The following CFAP20DC variants were observed in gnomAD, a reference collection of about 807,000 sequenced individuals.
CFAP20DC encodes the protein protein CFAP20DC.
A neutral mutation model predicts 101.7 loss-of-function variants in CFAP20DC; 84 were observed. The ratio of observed to expected loss-of-function variants is 0.83; its 90% CI spans 0.69 to 0.99. The LOEUF (loss-of-function observed/expected upper bound fraction) is 0.99. Ranked by LOEUF, CFAP20DC falls within the 50% of genes least tolerant of loss-of-function variation. The pLI is 0.00. For missense variants in CFAP20DC, 1,007 were observed against 970.3 expected, an observed-to-expected ratio of 1.04 and a Z score of -0.50; for synonymous variants, 359 against 351.2, an observed-to-expected ratio of 1.02 and a Z score of -0.25.
chr3:58,930,982 G>A (rs879522446), intron 5 of CFAP20DC, among the ~76,000 whole-genome samples: 5 of 152,212 alleles, frequency 3.3e-5, no homozygotes, highest in African/African-American at 4.8e-5. Flanking sequence ...CCTCACTCGG[G>A]AAGCACAAGG....
chr3:58,942,866 C>A (rs1350758159), intron 4 of CFAP20DC, among the ~76,000 whole-genome samples: 2 of 152,162 alleles, frequency 1.3e-5, no homozygotes, highest in South Asian at 2.1e-4. Flanking sequence ...AAAATCAACC[C>A]AGGGCACTAG....
At chr3:58,751,165 G>T (rs2068537599) in intron 16 of CFAP20DC, among the ~76,000 whole-genome samples, 1 of 152,120 alleles carries the variant, frequency 6.6e-6, no homozygotes, top group African/African-American at 2.4e-5. Flanking sequence ...AGGGCACCAA[G>T]GATCCAGGAG....
chr3:58,860,175 CAAAAA>C (rs10575757), intron 12 of CFAP20DC, among the ~76,000 whole-genome samples: 1 of 78,186 alleles, frequency 1.3e-5, no homozygotes, highest in African/African-American at 4.6e-5. Context: ...AACTCCATCT[CAAAAA>C]AAAAAAAAAA....
chr3:59,016,490 T>A (rs1368364737), intron 4 of CFAP20DC, among the ~76,000 whole-genome samples: 5 of 152,086 alleles, frequency 3.3e-5, no homozygotes, highest in African/African-American at 1.2e-4. Flanking sequence ...GACAATTAAT[T>A]GTAATTTATT....
chr3:58,991,446 C>A (rs1177112588), intron 4 of CFAP20DC, among the ~76,000 whole-genome samples: 1 of 152,188 alleles, frequency 6.6e-6, no homozygotes, highest in African/African-American at 2.4e-5. Context: ...TCACACTCCC[C>A]TCAAATAATA....
intron 4 of CFAP20DC, among the ~76,000 whole-genome samples, chr3:58,950,542 G>T (rs1449740471): frequency 6.6e-6 from 1 of 152,182 alleles, no homozygotes; most frequent in African/African-American, 2.4e-5. Context: ...AAAACAGCAT[G>T]GTACTGGTAT....
intron 4 of CFAP20DC, among the ~76,000 whole-genome samples, chr3:58,942,534 A>G (rs1244013264): frequency 2.6e-5 from 4 of 152,232 alleles, no homozygotes; most frequent in Non-Finnish European, 5.9e-5. Context: ...GGAACGGTGC[A>G]TTCTGGCCCA....
At chr3:58,747,122 A>G (rs1434876080) in intron 16 of CFAP20DC, among the ~76,000 whole-genome samples, 2 of 152,210 alleles carry the variant, frequency 1.3e-5, no homozygotes, top group East Asian at 3.8e-4. Flanking sequence ...CTGCTACTAG[A>G]CTAAGAGCAT....
chr3:58,985,072 G>A (rs1481388041), intron 4 of CFAP20DC, among the ~76,000 whole-genome samples: 8 of 151,944 alleles, frequency 5.3e-5, no homozygotes, highest in East Asian at 1.9e-4. Context: ...CTACAGGAGC[G>A]CCCACAATGG....
At chr3:58,833,916 T>C (rs552911710) in intron 13 of CFAP20DC, among the ~76,000 whole-genome samples, 3 of 152,286 alleles carry the variant, frequency 2.0e-5, no homozygotes, top group Admixed American at 2.0e-4. Context: ...TTTGAAAATA[T>C]TATGCTATCT....
In CFAP20DC at chr3:59,014,257, G is replaced by C. The variant is rs1426098036; in HGVS notation, c.278+25300C>G. Among the ~76,000 whole-genome samples, 1 of 152,058 alleles carries C rather than the reference G, an allele frequency of 6.6e-6. No individual in the cohort carries two copies. The highest frequency in any genetic ancestry group is 1.5e-5 in the Non-Finnish European group (1 of 67,998). On this transcript the variant is annotated intron_variant, in intron 4 of 16. Transcript: ENST00000482387. The surrounding 1 kb of genome is among the most constrained non-coding windows in gnomAD (Gnocchi z 4.9). The stretch of plus-strand genomic sequence containing the variant: ...GGAAAAAAAGATCGACCTTAAACTA[G>C]ATTTCCAACATTTCCATCTGTATGC...
chr3:58,933,810 A>G (rs1238446931), intron 5 of CFAP20DC, among the ~76,000 whole-genome samples: 1 of 152,006 alleles, frequency 6.6e-6, no homozygotes, highest in Non-Finnish European at 1.5e-5. Context: ...AATGCCCAAA[A>G]AGAAAGCAGG....
At chr3:59,008,763 T>C (rs1332989212) in intron 4 of CFAP20DC, among the ~76,000 whole-genome samples, 1 of 151,980 alleles carries the variant, frequency 6.6e-6, no homozygotes, top group East Asian at 1.9e-4. Flanking sequence ...TAATGCTAAA[T>C]GACGAGTTAA....
In CFAP20DC at chr3:58,918,118, C is replaced by T. The variant is rs530650742; in HGVS notation, c.394-4254G>A. Among the ~76,000 whole-genome samples, 9 of 152,276 alleles carry T rather than the reference C, an allele frequency of 5.9e-5. No homozygotes were observed. The South Asian group carries it at 1.9e-3, about 32-fold the overall frequency. On this transcript the variant is annotated intron_variant, in intron 5 of 16. Transcript: ENST00000482387. ...TGCATTTTTCTAAGAGTCTTAGACA[C>T]ATTACCGTCAGTGAAACATAGCTTT...
chr3:59,045,018 ACG>A (rs376249419), intron 3 of CFAP20DC, among the ~76,000 whole-genome samples: 1 of 151,214 alleles, frequency 6.6e-6, no homozygotes, highest in African/African-American at 2.4e-5. Flanking sequence ...ACACACACAC[ACG>A]CAGAAACTAT....
chr3:58,900,814 C>A (rs907053464), intron 6 of CFAP20DC, among the ~76,000 whole-genome samples: 1 of 152,154 alleles, frequency 6.6e-6, no homozygotes, highest in African/African-American at 2.4e-5. Flanking sequence ...GTTCCCCTTT[C>A]TTTGGCCATA....
intron 12 of CFAP20DC, among the ~76,000 whole-genome samples, chr3:58,860,175 CAAAA>C (rs10575757): frequency 1.3e-5 from 1 of 78,166 alleles, no homozygotes; most frequent in Non-Finnish European, 2.6e-5. Flanking sequence ...AACTCCATCT[CAAAA>C]AAAAAAAAAA....
rs945515221 is a variant in CFAP20DC at position 58,921,563 on chromosome 3, T to C, written c.394-7699A>G. ...GGGGATTATCCAATTATCTTTTTTA[T>C]TGATACATAATTTAATTCCCTTATA... is the stretch of plus-strand genomic sequence containing the variant. On this transcript the variant is annotated intron_variant, in intron 5 of 16. Transcript: ENST00000482387. 7.9e-5 allele frequency among the ~76,000 whole-genome samples: 12 copies of C among 152,330 alleles called. No individual in the cohort carries two copies. In the South Asian group the frequency reaches 2.5e-3, roughly 32 times the overall value.
intron 4 of CFAP20DC, among the ~76,000 whole-genome samples, chr3:58,943,550 C>T (rs912617008): frequency 1.3e-5 from 2 of 152,134 alleles, no homozygotes; most frequent in Non-Finnish European, 2.9e-5. Flanking sequence ...GATGTCCACA[C>T]AAAAACCCCA....
Sources: gnomAD v4.1 joint callset for allele counts (sites outside exome capture counted in the v4.1 genomes callset) on GRCh38, gnomAD v4.1.1 for gene constraint, Gnocchi (gnomAD v3.1) non-coding constraint, MANE v1.5 for transcripts, NCBI Gene and HGNC (gene_info 2026-07-23, HGNC 2026-07-21) for gene names.